Variants in MAP2K5 observed in about 807,000 individuals in gnomAD.
MAP2K5 encodes mitogen-activated protein kinase kinase 5, also known as dual specificity mitogen-activated protein kinase kinase 5.
Under a neutral mutation model 83.1 loss-of-function variants are expected in MAP2K5, and 49 were observed. The observed-to-expected ratio is 0.59, with a 90% CI of 0.47 to 0.75. MAP2K5 has a LOEUF of 0.75. Among genes scored for constraint, MAP2K5 ranks in the 30% least tolerant of loss-of-function variants. The pLI is 0.00. For synonymous variants in MAP2K5, 202 were observed against 191.8 expected, an observed-to-expected ratio of 1.05 and a Z score of -0.44; for missense variants, 457 against 557.5, an observed-to-expected ratio of 0.82 and a Z score of 1.82.
rs1446291890 is a variant in MAP2K5, at chr15:67,727,211, T to G, written c.1045-705T>G. Among the ~76,000 whole-genome samples, 3 of 152,288 alleles carry G rather than the reference T, an allele frequency of 2.0e-5. No individual in the cohort carries two copies. In the East Asian group the frequency reaches 5.8e-4, roughly 29 times the overall value. On this transcript the variant is annotated intron_variant, in intron 16 of 21. Transcript: ENST00000178640. ...CAAGACTCTGGCTCAAAAAACAGTT[T>G]ATATCTTTTTGCTTTATATCAAGCC...
Position 67,671,753 on chromosome 15 carries a change from C to T in MAP2K5, c.847+7108C>T, listed in dbSNP as rs184466236. ...TGTATACATGTGCCATGCTGGTGTG[C>T]TGCACCCATTAACTCGTCATTTAGC... On this transcript the variant is annotated intron_variant, in intron 13 of 21. Transcript: ENST00000178640. 3.3e-3 allele frequency among the ~76,000 whole-genome samples: 503 copies of T among 150,928 alleles called. 2 individuals are homozygous for T. Among genetic ancestry groups the T allele is most frequent in the African/African-American group, 0.012 (480 of 41,096 alleles).
intron 3 of MAP2K5, among the ~76,000 whole-genome samples, chr15:67,570,444 G>A (rs1387448398): frequency 1.3e-5 from 2 of 152,200 alleles, no homozygotes; most frequent in African/African-American, 4.8e-5. Flanking sequence ...TGTACACATT[G>A]TAGTCTCCTC....
chr15:67,712,198 A>G (rs960211913), intron 16 of MAP2K5, among the ~76,000 whole-genome samples: 1 of 152,212 alleles, frequency 6.6e-6, no homozygotes, highest in African/African-American at 2.4e-5. Flanking sequence ...ATTACTTTAC[A>G]CTCAAAGATT....
chr15:67,600,709 C>A lies in MAP2K5; in HGVS notation c.505C>A (p.Arg169=). 1.2e-6 allele frequency: 2 copies of A among 1,609,232 alleles called. No homozygotes were observed. The highest frequency in any genetic ancestry group is 1.7e-6 in the Non-Finnish European group (2 of 1,178,466). ...GQMNEQDIRY[R]DTLGHGNGGT... is the part of the protein sequence containing the mutation. ...GATGAATGAACAAGACATACGATAT[C>A]GGGACACTCTTGGTCATGGCAACGG... Residue 169 remains arginine, a synonymous_variant, in exon 8 of 22, where the codon CGG becomes AGG. Coordinates refer to ENST00000178640, the MANE Select transcript of MAP2K5 (RefSeq NM_145160.3).
At chr15:67,731,197 G>A (rs4537967) in intron 17 of MAP2K5, among the ~76,000 whole-genome samples, 124,394 of 152,050 alleles carry the variant, frequency 0.82, 51,052 homozygotes, top group Admixed American at 0.88. Flanking sequence ...AGGAGGGGCC[G>A]GCTTCAAGAC....
At chr15:67,574,851 A>G (rs1401408536) in intron 3 of MAP2K5, among the ~76,000 whole-genome samples, 1 of 152,234 alleles carries the variant, frequency 6.6e-6, no homozygotes, top group Non-Finnish European at 1.5e-5. Flanking sequence ...TGGGCGACAG[A>G]GTGAGACTCC....
At chr15:67,574,727 C>T (rs1408049087) in intron 3 of MAP2K5, among the ~76,000 whole-genome samples, 7 of 151,628 alleles carry the variant, frequency 4.6e-5, no homozygotes, top group African/African-American at 9.7e-5. Flanking sequence ...ATTAGCTGGG[C>T]GTGGTGTCGG....
rs1026163702 is a variant in MAP2K5 at position 67,760,677 on chromosome 15, G to C, written c.1135-8925G>C. 6.6e-6 allele frequency among the ~76,000 whole-genome samples: 1 copy of C among 152,152 alleles called. No homozygotes were observed. Among genetic ancestry groups the C allele is most frequent in the African/African-American group, 2.4e-5 (1 of 41,424 alleles). On this transcript the variant is annotated intron_variant, in intron 19 of 21. Coordinates refer to ENST00000178640, the MANE Select transcript of MAP2K5 (RefSeq NM_145160.3). The surrounding 1 kb of genome is among the most constrained non-coding windows in gnomAD (Gnocchi z 4.1). Reference sequence around the variant, plus strand: ...TTCCTTTGAATTGTCCATGAAGCCTGATGTATTATTAATGAATTAATTTCT... The same window carrying C: ...TTCCTTTGAATTGTCCATGAAGCCTCATGTATTATTAATGAATTAATTTCT...
chr15:67,548,228 G>C (rs2084436339), intron 1 of MAP2K5, among the ~76,000 whole-genome samples: 1 of 152,228 alleles, frequency 6.6e-6, no homozygotes, highest in South Asian at 2.1e-4. Flanking sequence ...CAAGATCGGA[G>C]TTTCCTGGAA....
chr15:67,646,284 G>T lies in MAP2K5; in HGVS notation c.639G>T (p.Leu213Phe). The T allele has an allele frequency of 6.9e-7, 1 of 1,455,000 alleles. No individual in the cohort carries two copies. 90.1% of individuals were successfully genotyped at this position (1,455,000 alleles called of 1,614,324 possible). Reference protein sequence around the residue: ...LELQKQIMSELEILYKCDSSY... With the variant: ...LELQKQIMSEFEILYKCDSSY... ...TTCAGAAGCAAATTATGTCTGAATT[G>T]GAAATTCTTTATAAGGTAATTTTTT... Residue 213 changes from leucine (L) to phenylalanine (F), a missense_variant, in exon 10 of 22, where the codon TTG becomes TTT. Leu to Phe is a conservative substitution (Grantham distance 22). Transcript: ENST00000178640.
Position 67,793,332 on chromosome 15 carries a change from T to G in MAP2K5, c.1243-13314T>G, listed in dbSNP as rs1566966293. Reference sequence around the variant, plus strand: ...CTCATTATTATGGACATTGTCTATTTGCCATGTTCTATACCAGTATCTCCT... The same window carrying G: ...CTCATTATTATGGACATTGTCTATTGGCCATGTTCTATACCAGTATCTCCT... On this transcript the variant is annotated intron_variant, in intron 21 of 21. Transcript: ENST00000178640. This position sits in a 1 kb window ranked among gnomAD's most constrained non-coding sequence, Gnocchi z 4.6. Among the ~76,000 whole-genome samples, 1 of 152,222 alleles carries G rather than the reference T, an allele frequency of 6.6e-6. No homozygotes were observed. Among genetic ancestry groups the G allele is most frequent in the Non-Finnish European group, 1.5e-5 (1 of 68,042 alleles).
intron 2 of MAP2K5, among the ~76,000 whole-genome samples, chr15:67,560,368 G>A (rs1341789590): frequency 2.0e-5 from 3 of 152,172 alleles, no homozygotes; most frequent in Admixed American, 6.5e-5. Context: ...TTAATAAAAC[G>A]ACTAAGCATA....
intron 17 of MAP2K5, among the ~76,000 whole-genome samples, chr15:67,739,183 G>A (rs1336017352): frequency 1.3e-5 from 2 of 150,910 alleles, no homozygotes; most frequent in Non-Finnish European, 2.9e-5. Context: ...AGGAGGCTGA[G>A]GAGGGAGGAT....
At position 67,637,933 on chromosome 15, in the gene MAP2K5, T is replaced by G. The variant is rs927322371; in HGVS notation, c.585+7006T>G. Among the ~76,000 whole-genome samples the G allele has an allele frequency of 2.0e-5, 3 of 152,160 alleles. No homozygotes were observed. Among genetic ancestry groups the G allele is most frequent in the Non-Finnish European group, 2.9e-5 (2 of 68,016 alleles). On this transcript the variant is annotated intron_variant, in intron 9 of 21. Coordinates refer to ENST00000178640, the MANE Select transcript of MAP2K5 (RefSeq NM_145160.3). The surrounding 1 kb of genome is among the most constrained non-coding windows in gnomAD (Gnocchi z 4.5). ...TGATGTGTGTGTGAGTGTGTGTGTATGTGTGTTTTAGTACCTCTTCCTTTC... is the reference window on the plus strand; with the variant it reads ...TGATGTGTGTGTGAGTGTGTGTGTAGGTGTGTTTTAGTACCTCTTCCTTTC...
chr15:67,767,079 C>T (rs987131343), intron 19 of MAP2K5, among the ~76,000 whole-genome samples: 2 of 152,118 alleles, frequency 1.3e-5, no homozygotes, highest in Non-Finnish European at 2.9e-5. Flanking sequence ...CTTGGGCTGG[C>T]ATTTTCAGAA....
chr15:67,557,636 A>G (rs1044182271), intron 2 of MAP2K5, among the ~76,000 whole-genome samples: 1 of 152,216 alleles, frequency 6.6e-6, no homozygotes, highest in African/African-American at 2.4e-5. Flanking sequence ...TTGGCATAGT[A>G]TGACCATTTA....
At chr15:67,731,880 T>C (rs933853404) in intron 17 of MAP2K5, among the ~76,000 whole-genome samples, 9 of 152,128 alleles carry the variant, frequency 5.9e-5, no homozygotes, top group Admixed American at 3.9e-4. Context: ...TAGGGAGGCC[T>C]CTTGTATAGA....
chr15:67,579,744 G>A (rs1334602443), intron 3 of MAP2K5, among the ~76,000 whole-genome samples: 4 of 151,530 alleles, frequency 2.6e-5, no homozygotes, highest in African/African-American at 9.7e-5. Context: ...GTACATAAAA[G>A]CAATAGGAAG....
At chr15:67,626,016 AC>A (rs1010658585) in intron 8 of MAP2K5, among the ~76,000 whole-genome samples, 7 of 152,212 alleles carry the variant, frequency 4.6e-5, no homozygotes, top group African/African-American at 1.7e-4. Flanking sequence ...AAGTAACAAC[AC>A]TGATCTTTTT....
Sources: gnomAD v4.1 joint callset for allele counts (sites outside exome capture counted in the v4.1 genomes callset) on GRCh38, gnomAD v4.1.1 for gene constraint, Gnocchi (gnomAD v3.1) non-coding constraint, MANE v1.5 for transcripts, NCBI Gene and HGNC (gene_info 2026-07-23, HGNC 2026-07-21) for gene names.